The following BCL7C variants were observed in gnomAD, a reference collection of about 807,000 sequenced individuals.
The protein encoded by BCL7C is BAF chromatin remodeling complex subunit BCL7C.
BCL7C carries 8 observed loss-of-function variants against 26.2 expected under a neutral mutation model. The observed-to-expected ratio is 0.30, with a 90% CI of 0.18 to 0.55. BCL7C has a LOEUF of 0.55. Ranked by LOEUF, BCL7C falls within the 20% of genes least tolerant of loss-of-function variation. The pLI, the probability that BCL7C is intolerant of heterozygous loss-of-function variation, is 0.93. For missense variants in BCL7C, 262 were observed against 298.5 expected (o/e 0.88, Z 0.90); for synonymous variants, 90 against 116.5 (o/e 0.77, Z 1.47).
intron 5 of BCL7C, among the ~76,000 whole-genome samples, chr16:30,860,303 T>G (rs1486004933): frequency 1.3e-5 from 2 of 152,320 alleles, no homozygotes; most frequent in Non-Finnish European, 2.9e-5. Flanking sequence ...GCCTTGGTCA[T>G]TCACCCACAT....
At chr16:30,861,030 G>A (rs2054767388) in intron 5 of BCL7C, among the ~76,000 whole-genome samples, 1 of 152,114 alleles carries the variant, frequency 6.6e-6, no homozygotes, top group African/African-American at 2.4e-5. Context: ...GGCTGGAGCT[G>A]AAGGTAGAGT....
intron 5 of BCL7C, among the ~76,000 whole-genome samples, chr16:30,879,448 C>A (rs1036817102): frequency 6.6e-6 from 1 of 151,848 alleles, no homozygotes; most frequent in Non-Finnish European, 1.5e-5. Flanking sequence ...CACAATAATC[C>A]GGATGACCCT....
chr16:30,877,595 G>A (rs1338713689), intron 5 of BCL7C, among the ~76,000 whole-genome samples: 7 of 151,794 alleles, frequency 4.6e-5, no homozygotes, highest in East Asian at 2.0e-4. Context: ...ACCCGCCACC[G>A]CGCCCAGCTA....
chr16:30,892,109 A>C (rs746333383), intron 4 of BCL7C, among the ~76,000 whole-genome samples: 1 of 151,532 alleles, frequency 6.6e-6, no homozygotes, highest in Non-Finnish European at 1.5e-5. Flanking sequence ...TCTACAAAAA[A>C]TACAAAAATT....
intron 4 of BCL7C, among the ~76,000 whole-genome samples, chr16:30,892,339 G>C (rs1379964897): frequency 6.9e-6 from 1 of 145,898 alleles, no homozygotes; most frequent in Non-Finnish European, 1.5e-5. Context: ...ACTGACATGA[G>C]AGTGAGGAGA....
chr16:30,851,182 G>T, intron 5 of BCL7C: 1 of 286,168 alleles, frequency 3.5e-6, no homozygotes, highest in Non-Finnish European at 7.0e-6. Context: ...GTGGTAGTCA[G>T]TTGGCAAGAG....
In BCL7C at chr16:30,893,990, C is replaced by G; in HGVS notation, c.-46G>C. 9.3e-7 allele frequency: 1 copy of G among 1,075,488 alleles called. No individual in the cohort carries two copies. Among genetic ancestry groups the G allele is most frequent in the Non-Finnish European group, 1.2e-6 (1 of 860,554 alleles). 66.6% of individuals were successfully genotyped at this position (1,075,488 alleles called of 1,614,324 possible). On this transcript the variant is annotated 5_prime_UTR_variant, in exon 1 of 6. Coordinates refer to ENST00000215115, the MANE Select transcript of BCL7C (RefSeq NM_004765.4). The surrounding 1 kb of genome is among the most constrained non-coding windows in gnomAD (Gnocchi z 5.2). ...GGCCGAGCCCGCGGCGGGGCCGCCTCCCGTCCGGCGGGCTCAGGCTCCGCG... is the reference window on the plus strand; with the variant it reads ...GGCCGAGCCCGCGGCGGGGCCGCCTGCCGTCCGGCGGGCTCAGGCTCCGCG...
At chr16:30,884,282 C>A (rs938908496), downstream of BCL7C, among the ~76,000 whole-genome samples, 1 of 151,874 alleles carries the variant, frequency 6.6e-6, no homozygotes, top group Non-Finnish European at 1.5e-5. Flanking sequence ...AAATGGACAC[C>A]CTGTCTGGGG....
At chr16:30,857,473 G>A (rs1170076004) in intron 5 of BCL7C, among the ~76,000 whole-genome samples, 4 of 151,796 alleles carry the variant, frequency 2.6e-5, no homozygotes, top group African/African-American at 9.7e-5. Flanking sequence ...CACTTCTCTG[G>A]AAACAGAGCT....
At chr16:30,867,542 C>T (rs4889634) in intron 5 of BCL7C, among the ~76,000 whole-genome samples, 49,869 of 151,946 alleles carry the variant, frequency 0.33, 11,023 homozygotes, top group East Asian at 0.91. Context: ...TCGGCCATCC[C>T]AGCACTTTGG....
intron 5 of BCL7C, among the ~76,000 whole-genome samples, chr16:30,866,921 G>A (rs1476228445): frequency 6.6e-6 from 1 of 152,100 alleles, no homozygotes; most frequent in Non-Finnish European, 1.5e-5. Flanking sequence ...GAGCATGGTG[G>A]TGCACACCTG....
chr16:30,884,492 GTTTTTTTTTTT>G (rs71149066), downstream of BCL7C, among the ~76,000 whole-genome samples: 1 of 98,286 alleles, frequency 1.0e-5, no homozygotes, highest in Admixed American at 1.1e-4. Flanking sequence ...ATCTCCATTT[GTTTTTTTTTTT>G]TTTTTTTTTT....
At chr16:30,846,203 T>A (rs533025260) in intron 5 of BCL7C, among the ~76,000 whole-genome samples, 1 of 143,224 alleles carries the variant, frequency 7.0e-6, no homozygotes, top group Non-Finnish European at 1.5e-5. Context: ...TTTTAAAATT[T>A]ATTTATTTAT....
chr16:30,879,702 A>AAAAAAAAAAAAAAAAAAAAAAAC (rs751856538), intron 5 of BCL7C, among the ~76,000 whole-genome samples: 2 of 145,362 alleles, frequency 1.4e-5, no homozygotes, highest in Non-Finnish European at 3.0e-5. Context: ...AAAAAAAAAA[A>AAAAAAAAAAAAAAAAAAAAAAAC]AAAAAAACTG....
chr16:30,835,954 G>A (rs1242147952), intron 5 of BCL7C, among the ~76,000 whole-genome samples: 1 of 150,288 alleles, frequency 6.7e-6, no homozygotes, highest in Non-Finnish European at 1.5e-5. Context: ...GAAGCCAGGG[G>A]TTCAAGACCA....
chr16:30,869,600 C>T (rs1279997496), intron 5 of BCL7C, among the ~76,000 whole-genome samples: 6 of 151,358 alleles, frequency 4.0e-5, no homozygotes, highest in African/African-American at 1.2e-4. Context: ...AGCCTTGAAA[C>T]TCCTGGGCTC....
chr16:30,876,799 G>A (rs2054956854), intron 5 of BCL7C, among the ~76,000 whole-genome samples: 1 of 152,208 alleles, frequency 6.6e-6, no homozygotes, highest in Non-Finnish European at 1.5e-5. Context: ...TTCTATGCAT[G>A]AGTTGGAAGA....
At chr16:30,878,207 G>T (rs2054982766) in intron 5 of BCL7C, among the ~76,000 whole-genome samples, 1 of 150,946 alleles carries the variant, frequency 6.6e-6, no homozygotes, top group Non-Finnish European at 1.5e-5. Context: ...AAATCCCAGG[G>T]CCCAGGTTGC....
At chr16:30,852,964 T>C (rs1269691611) in intron 5 of BCL7C, among the ~76,000 whole-genome samples, 1 of 151,982 alleles carries the variant, frequency 6.6e-6, no homozygotes, top group Non-Finnish European at 1.5e-5. Context: ...TACGGAGTTT[T>C]GCTCTTGTTG....
Sources: allele counts gnomAD v4.1 joint callset (sites outside exome capture counted in the v4.1 genomes callset), GRCh38; gene constraint gnomAD v4.1.1; non-coding constraint Gnocchi (gnomAD v3.1); transcripts MANE v1.5; gene names NCBI Gene and HGNC (gene_info 2026-07-23, HGNC 2026-07-21).